The following ENOX1 variants were observed in gnomAD, a reference collection of about 807,000 sequenced individuals.
ENOX1 encodes the protein ecto-NOX disulfide-thiol exchanger 1.
Under a neutral mutation model 82.5 loss-of-function variants are expected in ENOX1, and 42 were observed. The ratio of observed to expected loss-of-function variants is 0.51; its 90% CI spans 0.40 to 0.66. The LOEUF (loss-of-function observed/expected upper bound fraction) is 0.66, where lower values mean the gene tolerates loss of function less well. ENOX1 is among the 30% of genes least tolerant of loss of function. The pLI, the probability that ENOX1 is intolerant of heterozygous loss-of-function variation, is 0.00. For missense variants in ENOX1, 608 were observed against 811.6 expected, an observed-to-expected ratio of 0.75 and a Z score of 3.05; for synonymous variants, 271 against 282.2, an observed-to-expected ratio of 0.96 and a Z score of 0.40.
At chr13:43,529,811 T>C (rs546059299) in intron 2 of ENOX1, among the ~76,000 whole-genome samples, 3 of 152,200 alleles carry the variant, frequency 2.0e-5, no homozygotes, top group East Asian at 3.9e-4. Context: ...TCCTAAATGA[T>C]ACTATTAGAA....
chr13:43,448,292 T>C (rs2056768457), intron 3 of ENOX1, among the ~76,000 whole-genome samples: 1 of 152,230 alleles, frequency 6.6e-6, no homozygotes. Flanking sequence ...TAAAAAAGGT[T>C]AACTCTCATT....
At chr13:43,456,608 T>C (rs2057243625) in intron 3 of ENOX1, among the ~76,000 whole-genome samples, 1 of 152,128 alleles carries the variant, frequency 6.6e-6, no homozygotes, top group Non-Finnish European at 1.5e-5. Flanking sequence ...CTGGGAGCTA[T>C]GTCAGGGAAT....
intron 1 of ENOX1, among the ~76,000 whole-genome samples, chr13:43,745,638 T>C (rs756157849): frequency 6.6e-6 from 1 of 152,186 alleles, no homozygotes; most frequent in Non-Finnish European, 1.5e-5. Flanking sequence ...TTCTGGCATA[T>C]ACATAAAATG....
At chr13:43,683,237 C>A (rs1344327853) in intron 1 of ENOX1, among the ~76,000 whole-genome samples, 2 of 152,002 alleles carry the variant, frequency 1.3e-5, no homozygotes, top group Non-Finnish European at 2.9e-5. Context: ...AATTTTCAGG[C>A]CCCCCACCCA....
At chr13:43,687,039 A>G (rs527779090) in intron 1 of ENOX1, among the ~76,000 whole-genome samples, 2 of 152,330 alleles carry the variant, frequency 1.3e-5, no homozygotes, top group African/African-American at 4.8e-5. Flanking sequence ...AGAAATAGGT[A>G]ACGACGGAAT....
intron 2 of ENOX1, among the ~76,000 whole-genome samples, chr13:43,520,368 A>G (rs9316033): frequency 0.14 from 20,994 of 152,132 alleles, 2,083 homozygotes; most frequent in East Asian, 0.5. Context: ...CACACACGGT[A>G]TCTTGATGTT....
intron 1 of ENOX1, among the ~76,000 whole-genome samples, chr13:43,781,508 T>C (rs1182436039): frequency 6.6e-6 from 1 of 152,110 alleles, no homozygotes; most frequent in East Asian, 1.9e-4. Flanking sequence ...CAAATACTAC[T>C]TTTGTCCACT....
chr13:43,344,860 AG>A (rs1191444707), intron 8 of ENOX1, 110 bp from the exon 9 acceptor site: 24 of 1,055,516 alleles, frequency 2.3e-5, no homozygotes, highest in African/African-American at 3.2e-5. Flanking sequence ...ATATATTTTC[AG>A]AACTCAGCAA....
chr13:43,231,472 T>C (rs988248866), intron 15 of ENOX1, among the ~76,000 whole-genome samples: 2 of 152,204 alleles, frequency 1.3e-5, no homozygotes, highest in Non-Finnish European at 2.9e-5. Context: ...GCTTACTTGG[T>C]GAGTACAAAA....
intron 3 of ENOX1, among the ~76,000 whole-genome samples, chr13:43,463,500 C>A (rs2057580215): frequency 1.3e-5 from 2 of 152,166 alleles, no homozygotes; most frequent in Non-Finnish European, 2.9e-5. Context: ...GGGCCACCTG[C>A]ATCAAAAAGC....
At chr13:43,531,572 G>C (rs1446011138) in intron 2 of ENOX1, among the ~76,000 whole-genome samples, 1 of 147,628 alleles carries the variant, frequency 6.8e-6, no homozygotes, top group African/African-American at 2.5e-5. Flanking sequence ...TCCCATTACT[G>C]GGTATATACC....
intron 1 of ENOX1, among the ~76,000 whole-genome samples, chr13:43,736,240 A>G (rs1433772501): frequency 6.6e-6 from 1 of 152,222 alleles, no homozygotes; most frequent in Admixed American, 6.5e-5. Flanking sequence ...CTCTCAAATT[A>G]TGACAAGAAA....
chr13:43,699,603 C>G (rs1386233081), intron 1 of ENOX1, among the ~76,000 whole-genome samples: 1 of 152,120 alleles, frequency 6.6e-6, no homozygotes, highest in East Asian at 1.9e-4. Context: ...CTTTCAAATG[C>G]TACTAGGTTT....
chr13:43,307,657 A>G (rs776579864), intron 11 of ENOX1, among the ~76,000 whole-genome samples: 15 of 152,124 alleles, frequency 9.9e-5, no homozygotes, highest in Non-Finnish European at 2.1e-4. Context: ...GTCTTCTCAC[A>G]TTCCATTAAC....
intron 8 of ENOX1, among the ~76,000 whole-genome samples, chr13:43,345,100 C>T (rs1334656643): frequency 6.6e-6 from 1 of 152,198 alleles, no homozygotes; most frequent in Admixed American, 6.5e-5. Context: ...CTGTTACTAA[C>T]CTACTTGGCC....
chr13:43,321,054 T>C (rs1307063705), intron 11 of ENOX1: 2 of 456,182 alleles, frequency 4.4e-6, no homozygotes, highest in Non-Finnish European at 8.8e-6. Flanking sequence ...AAGGGATATA[T>C]GGCTTCAGAA....
intron 11 of ENOX1, among the ~76,000 whole-genome samples, chr13:43,311,483 G>A (rs2047200622): frequency 6.6e-6 from 1 of 151,926 alleles, no homozygotes; most frequent in South Asian, 2.1e-4. Context: ...CATGTACAAT[G>A]TAGTGGGCTG....
At chr13:43,708,805 C>G (rs901886350) in intron 1 of ENOX1, among the ~76,000 whole-genome samples, 5 of 152,082 alleles carry the variant, frequency 3.3e-5, no homozygotes, top group Admixed American at 1.3e-4. Context: ...GAAGAAAAAA[C>G]CTTTATGACA....
chr13:43,672,891 C>T (rs527820333), intron 1 of ENOX1, among the ~76,000 whole-genome samples: 13 of 152,178 alleles, frequency 8.5e-5, no homozygotes, highest in Middle Eastern at 3.4e-3. Flanking sequence ...ACCTACAGTT[C>T]TACAGCTATG....
Sources: gnomAD v4.1 joint callset for allele counts (sites outside exome capture counted in the v4.1 genomes callset) on GRCh38, gnomAD v4.1.1 for gene constraint, MANE v1.5 for transcripts, NCBI Gene and HGNC (gene_info 2026-07-23, HGNC 2026-07-21) for gene names.